The following MRTFA variants were observed in gnomAD, a reference collection of about 807,000 sequenced individuals.
The protein encoded by MRTFA is myocardin related transcription factor A, also known as myocardin-related transcription factor A.
Under a neutral mutation model 83.5 loss-of-function variants are expected in MRTFA, and 20 were observed. That is an observed-to-expected ratio of 0.24 (90% CI 0.17 to 0.35). The LOEUF (loss-of-function observed/expected upper bound fraction) is 0.35, where lower values mean the gene tolerates loss of function less well. Among genes scored for constraint, MRTFA ranks in the 10% least tolerant of loss-of-function variants. The probability of loss-of-function intolerance (pLI) is 1.00; values close to 1 mark genes in which losing one functional copy is unlikely to be tolerated. For missense variants in MRTFA, 1,200 were observed against 1,224.7 expected (o/e 0.98, Z 0.30); for synonymous variants, 659 against 541.2 (o/e 1.22, Z -3.02).
chr22:40,544,225 T>C (rs1244894144), intron 3 of MRTFA, among the ~76,000 whole-genome samples: 1 of 152,184 alleles, frequency 6.6e-6, no homozygotes, highest in Non-Finnish European at 1.5e-5. Context: ...AATTTAGAAA[T>C]TCTTTTTGTG....
At chr22:40,468,461 C>G (rs1424969050) in intron 3 of MRTFA, among the ~76,000 whole-genome samples, 1 of 152,272 alleles carries the variant, frequency 6.6e-6, no homozygotes, top group East Asian at 1.9e-4. Flanking sequence ...AAAAACAAGA[C>G]CCCTCCCTCC....
intron 3 of MRTFA, among the ~76,000 whole-genome samples, chr22:40,540,776 CAAA>C (rs11398739): frequency 1.3e-4 from 12 of 91,132 alleles, no homozygotes; most frequent in Non-Finnish European, 2.1e-4. Flanking sequence ...GACTCTGTCT[CAAA>C]AAAAAAAAAA....
At chr22:40,634,312 C>G (rs115185275) in intron 1 of MRTFA, among the ~76,000 whole-genome samples, 16 of 152,124 alleles carry the variant, frequency 1.1e-4, no homozygotes, top group Non-Finnish European at 1.9e-4. Flanking sequence ...GGTCTCAACT[C>G]GAACTCCTGG....
intron 2 of MRTFA, among the ~76,000 whole-genome samples, chr22:40,574,958 C>T (rs1161195987): frequency 6.6e-6 from 1 of 152,188 alleles, no homozygotes; most frequent in East Asian, 1.9e-4. Context: ...AGTCCATCTG[C>T]AGACTCCACT....
At chr22:40,422,538 G>T (rs554828013) in intron 9 of MRTFA, among the ~76,000 whole-genome samples, 33 of 152,254 alleles carry the variant, frequency 2.2e-4, no homozygotes, top group Non-Finnish European at 4.4e-4. Context: ...CTGAAAGCAG[G>T]GGTAGGCTGG....
intron 2 of MRTFA, among the ~76,000 whole-genome samples, chr22:40,573,298 A>G (rs1001411744): frequency 4.6e-5 from 7 of 152,148 alleles, no homozygotes; most frequent in African/African-American, 1.7e-4. Context: ...TCTGTCACCC[A>G]GGCTGGAGTG....
chr22:40,576,689 T>A (rs2055872427), intron 2 of MRTFA, among the ~76,000 whole-genome samples: 1 of 152,174 alleles, frequency 6.6e-6, no homozygotes, highest in Non-Finnish European at 1.5e-5. Context: ...ATATCTATCT[T>A]CAATATGTGA....
intron 3 of MRTFA, chr22:40,533,783 T>A (rs549265239): frequency 1.4e-5 from 6 of 429,494 alleles, no homozygotes; most frequent in Non-Finnish European, 2.3e-5. Flanking sequence ...TCAGTGCAGT[T>A]ACCAATTTAT....
At chr22:40,572,199 G>A (rs976740202) in intron 2 of MRTFA, among the ~76,000 whole-genome samples, 3 of 152,084 alleles carry the variant, frequency 2.0e-5, no homozygotes, top group African/African-American at 7.2e-5. Context: ...TGGTTTGGGG[G>A]GAACAGGGAG....
chr22:40,592,342 G>A (rs190092969), intron 2 of MRTFA, among the ~76,000 whole-genome samples: 19 of 150,874 alleles, frequency 1.3e-4, no homozygotes, highest in East Asian at 3.9e-4. Context: ...TAGCTACTCC[G>A]GAGGCTGAGG....
intron 3 of MRTFA, among the ~76,000 whole-genome samples, chr22:40,486,799 G>A (rs2054181490): frequency 6.6e-6 from 1 of 152,136 alleles, no homozygotes; most frequent in Non-Finnish European, 1.5e-5. Context: ...GGGCAACACG[G>A]CAAAACCCCA....
At position 40,604,276 on chromosome 22, in the gene MRTFA, G is replaced by A. The variant is rs761598607; in HGVS notation, c.-83-9541C>T. On this transcript the variant is annotated intron_variant, in intron 1 of 14. Transcript: ENST00000355630. ...CTCCTGAGTAGCTGGGACTACAGGC[G>A]CCCGCCACCACACCTGACTAATTTT... 3.0e-3 allele frequency among the ~76,000 whole-genome samples: 459 copies of A among 151,770 alleles called. 1 individual carries two copies. The highest frequency in any genetic ancestry group is 4.9e-3 in the Non-Finnish European group (330 of 67,902).
At chr22:40,507,245 C>T (rs1336154492) in intron 3 of MRTFA, among the ~76,000 whole-genome samples, 1 of 152,080 alleles carries the variant, frequency 6.6e-6, no homozygotes, top group African/African-American at 2.4e-5. Context: ...TCTGCAGTCC[C>T]AGCTACTTCA....
chr22:40,597,155 G>A (rs924418177), intron 1 of MRTFA, among the ~76,000 whole-genome samples: 20 of 152,158 alleles, frequency 1.3e-4, no homozygotes, highest in African/African-American at 4.6e-4. Flanking sequence ...TATCTCGCAA[G>A]ACCTAGCAGT....
chr22:40,423,644 C>A lies in MRTFA; in HGVS notation c.819G>T (p.Met273Ile). The A allele has an allele frequency of 1.3e-6, 2 of 1,589,030 alleles. No individual in the cohort carries two copies. The highest frequency in any genetic ancestry group is 1.1e-5 in the South Asian group (1 of 87,102). Residue 273 changes from methionine to isoleucine, a missense_variant, in exon 9 of 15, where the codon ATG (methionine) becomes ATT (isoleucine). This residue lies in a region of MRTFA where 1,107 missense variants were observed against 1,041.8 expected (regional missense o/e 1.06). Coordinates refer to ENST00000355630, the MANE Select transcript of MRTFA (RefSeq NM_020831.6). ...GAGGAGGCTGCTCTGCCAGGAAAAG[C>A]ATTTCTCTGGAATCCCGGCCCATCG... is the stretch of plus-strand genomic sequence containing the variant.
intron 4 of MRTFA, among the ~76,000 whole-genome samples, chr22:40,443,962 C>A (rs2053329775): frequency 6.6e-6 from 1 of 152,188 alleles, no homozygotes; most frequent in African/African-American, 2.4e-5. Context: ...GGTGTGCATA[C>A]AGACTACATT....
intron 3 of MRTFA, among the ~76,000 whole-genome samples, chr22:40,528,783 T>C (rs2055024979): frequency 1.3e-5 from 2 of 151,034 alleles, no homozygotes; most frequent in Non-Finnish European, 3.0e-5. Context: ...GCTACATTAA[T>C]ATTTAGAGCA....
chr22:40,602,356 T>C (rs1011132586), intron 1 of MRTFA, among the ~76,000 whole-genome samples: 5 of 152,172 alleles, frequency 3.3e-5, no homozygotes, highest in African/African-American at 1.2e-4. Context: ...TATGGGAGTA[T>C]AGCAGGAAGA....
At chr22:40,533,920 T>A in intron 3 of MRTFA, 1 of 309,778 alleles carries the variant, frequency 3.2e-6, no homozygotes, top group Non-Finnish European at 5.9e-6. Context: ...TTGCTATTCG[T>A]CTCTGGGGGA....
Sources: allele counts gnomAD v4.1 joint callset (sites outside exome capture counted in the v4.1 genomes callset), GRCh38; gene constraint gnomAD v4.1.1; regional missense constraint gnomAD v4.1.1; transcripts MANE v1.5; gene names NCBI Gene and HGNC (gene_info 2026-07-23, HGNC 2026-07-21).